ABCB7: variants seen among roughly 807,000 people sequenced by gnomAD.
ABCB7 encodes ATP binding cassette subfamily B member 7.
Under a neutral mutation model 54.4 loss-of-function variants are expected in ABCB7, and 7 were observed. That is an observed-to-expected ratio of 0.13 (90% CI 0.07 to 0.24). The LOEUF is 0.24. Among genes scored for constraint, ABCB7 ranks in the 10% least tolerant of loss-of-function variants. The pLI is 1.00. For missense variants in ABCB7, 356 were observed against 570.4 expected (o/e 0.62, Z 3.83); for synonymous variants, 218 against 207.1 (o/e 1.05, Z -0.45).
rs1482698611 is a variant in ABCB7 at position 75,114,928 on chromosome X, C to A, written c.169-97G>T. The A allele has an allele frequency of 5.5e-6, 4 of 729,104 alleles. No individual in the cohort carries two copies. In the South Asian group the frequency reaches 9.1e-5, roughly 17 times the overall value. 60.1% of individuals were successfully genotyped at this position (729,104 alleles called of 1,213,427 possible). On this transcript the variant is annotated intron_variant, in intron 1 of 15. Coordinates refer to ENST00000373394, the MANE Select transcript of ABCB7 (RefSeq NM_001271696.3). Reference sequence around the variant, plus strand: ...TTCATAAACATACAGAAAATTAAAACCATAGCCATATTGGAGAGATGATTA... The same window carrying A: ...TTCATAAACATACAGAAAATTAAAAACATAGCCATATTGGAGAGATGATTA...
chrX:75,073,615 C>T, intron 8 of ABCB7, 74 bp downstream of exon 8: 4 of 789,495 alleles, frequency 5.1e-6, no homozygotes, highest in Admixed American at 4.5e-5. Flanking sequence ...ATTTACAGTA[C>T]CTATTAAATT....
chrX:75,064,534 A>T (rs2147455162), intron 13 of ABCB7, among the ~76,000 whole-genome samples: 1 of 111,530 alleles, frequency 9.0e-6, no homozygotes, highest in South Asian at 3.8e-4. Flanking sequence ...TTTAACAAGA[A>T]ATGTATAAGC....
intron 2 of ABCB7, among the ~76,000 whole-genome samples, chrX:75,113,748 A>T (rs947522539): frequency 7.1e-5 from 8 of 112,096 alleles, no homozygotes; most frequent in African/African-American, 2.3e-4. Flanking sequence ...GCATAGCAAT[A>T]TCAGCTCTGG....
chrX:75,053,292 AT>A lies in ABCB7; in HGVS notation c.*77del. 5 of 1,140,316 alleles carry A rather than the reference AT, an allele frequency of 4.4e-6. No individual in the cohort carries two copies. The highest frequency in any genetic ancestry group is 3.6e-6 in the Non-Finnish European group (3 of 841,570). The allele number at this position is 1,140,316 out of a possible 1,213,427, so 94.0% of individuals were successfully genotyped here. Reference sequence around the variant, plus strand: ...GGATTATAGAAAATGGGAATGTATGATTTTTTTAATAAAACAATTCTGCTTC... The same window carrying A: ...GGATTATAGAAAATGGGAATGTATGATTTTTTAATAAAACAATTCTGCTTC... On this transcript the variant is annotated 3_prime_UTR_variant, in exon 16 of 16. Coordinates refer to ENST00000373394, the MANE Select transcript of ABCB7 (RefSeq NM_001271696.3).
intron 4 of ABCB7, among the ~76,000 whole-genome samples, chrX:75,085,994 G>A (rs984187987): frequency 9.2e-6 from 1 of 108,786 alleles, no homozygotes; most frequent in Non-Finnish European, 1.9e-5. Context: ...CTACAGGCAC[G>A]AACCACCACG....
rs377616036 is a variant in ABCB7 at position 75,112,877 on chromosome X, G to C, written c.333+9C>G. ...CAAGAATTTCCAGTTACTTGTTACTGGCTCTTACCCCTTCTTTTGGGTCTG... is the reference window on the plus strand; with the variant it reads ...CAAGAATTTCCAGTTACTTGTTACTCGCTCTTACCCCTTCTTTTGGGTCTG... On this transcript the variant is annotated intron_variant, in intron 3 of 15. Coordinates refer to ENST00000373394, the MANE Select transcript of ABCB7 (RefSeq NM_001271696.3). 8 of 1,193,456 alleles carry C rather than the reference G, an allele frequency of 6.7e-6. No homozygotes were observed. In the African/African-American group the frequency reaches 1.4e-4, roughly 21 times the overall value.
intron 11 of ABCB7, 45 bp from the exon 12 acceptor site, chrX:75,069,181 T>C: frequency 8.3e-7 from 1 of 1,203,614 alleles, no homozygotes; most frequent in Non-Finnish European, 1.1e-6. Context: ...CTATTAATGT[T>C]AGGAAACCCC....
At chrX:75,059,096 G>A (rs2081262609) in intron 15 of ABCB7, among the ~76,000 whole-genome samples, 1 of 111,249 alleles carries the variant, frequency 9.0e-6, no homozygotes, top group South Asian at 3.8e-4. Flanking sequence ...TATAAGAAAT[G>A]TTAGTGGAGT....
chrX:75,133,001 A>G (rs1393765761), intron 1 of ABCB7, among the ~76,000 whole-genome samples: 1 of 112,221 alleles, frequency 8.9e-6, no homozygotes, highest in Admixed American at 9.5e-5. Context: ...CTGAAATTAC[A>G]GACATAGAAT....
chrX:75,104,311 G>T (rs1375668360), intron 3 of ABCB7, among the ~76,000 whole-genome samples: 3 of 107,292 alleles, frequency 2.8e-5, no homozygotes, highest in Non-Finnish European at 5.8e-5. Context: ...GATTAACCAA[G>T]AACAAAATAT....
intron 4 of ABCB7, among the ~76,000 whole-genome samples, chrX:75,077,698 TA>T (rs1453091220): frequency 9.0e-6 from 1 of 111,473 alleles, no homozygotes; most frequent in Non-Finnish European, 1.9e-5. Context: ...ACAAGAGTCT[TA>T]CCAACCAAGC....
At chrX:75,060,374 G>A (rs747829914) in intron 14 of ABCB7, 44 bp from the exon 15 acceptor site, 4 of 949,767 alleles carry the variant, frequency 4.2e-6, no homozygotes, top group Non-Finnish European at 6.0e-6. Context: ...ATAAAAAGAA[G>A]TACACATTAG....
Position 75,065,123 on chromosome X carries a change from C to T in ABCB7, c.1778G>A (p.Arg593Gln). 2 of 1,210,779 alleles carry T rather than the reference C, an allele frequency of 1.7e-6. No homozygotes were observed. Among genetic ancestry groups the T allele is most frequent in the East Asian group, 3.0e-5 (1 of 33,802 alleles). ...KLAGLHDAIL[R>Q]MPHGYDTQVG... ...TTGGGTGTCATATCCATGTGGCATTCGAAGAATTGCATCATGAAGTCCAGC... is the reference window on the plus strand; with the variant it reads ...TTGGGTGTCATATCCATGTGGCATTTGAAGAATTGCATCATGAAGTCCAGC... Residue 593 changes from arginine (R) to glutamine (Q), a missense_variant, in exon 13 of 16, where the codon CGA (arginine) becomes CAA (glutamine). This residue lies in a region of ABCB7 where 241 missense variants were observed against 470.9 expected (regional missense o/e 0.51). Transcript: ENST00000373394.
rs147898380 is a variant in ABCB7, at chrX:75,099,034, T to C, written c.361A>G (p.Ile121Val). ...GLKDVDTRKI[I>V]KAMLSYVWPK... ...CACACATAAGAAAGCATTGCTTTTA[T>C]GATTTTCCGAGTATCAACATCTTTT... Residue 121 changes from isoleucine to valine, a missense_variant, in exon 4 of 16, where the codon ATA (isoleucine) becomes GTA (valine). Coordinates refer to ENST00000373394, the MANE Select transcript of ABCB7 (RefSeq NM_001271696.3). 226 of 1,209,172 alleles carry C rather than the reference T, an allele frequency of 1.9e-4. No homozygotes were observed. In the African/African-American group the frequency reaches 3.2e-3, roughly 17 times the overall value.
chrX:75,122,324 A>G (rs1301414767), intron 1 of ABCB7, among the ~76,000 whole-genome samples: 1 of 111,241 alleles, frequency 9.0e-6, no homozygotes, highest in Non-Finnish European at 1.9e-5. Context: ...CTATGGCAAC[A>G]TCGGGAAGTT....
At chrX:75,127,063 T>C (rs1219967285) in intron 1 of ABCB7, among the ~76,000 whole-genome samples, 2 of 111,509 alleles carry the variant, frequency 1.8e-5, no homozygotes, top group East Asian at 5.6e-4. Flanking sequence ...TCTTATGTGG[T>C]TGGCAATATC....
chrX:75,059,360 A>C (rs2081264704), intron 15 of ABCB7, among the ~76,000 whole-genome samples: 1 of 109,716 alleles, frequency 9.1e-6, no homozygotes, highest in Non-Finnish European at 1.9e-5. Context: ...AGTCCCAGCT[A>C]CTTGGGGGGC....
At chrX:75,130,825 A>G (rs923837039) in intron 1 of ABCB7, among the ~76,000 whole-genome samples, 2 of 112,060 alleles carry the variant, frequency 1.8e-5, no homozygotes, top group South Asian at 7.4e-4. Context: ...ATTAGGTATG[A>G]AAAGTAATAA....
chrX:75,112,173 T>G (rs1451897560), intron 3 of ABCB7, among the ~76,000 whole-genome samples: 1 of 111,755 alleles, frequency 8.9e-6, no homozygotes, highest in Non-Finnish European at 1.9e-5. Flanking sequence ...CTTTGCAATT[T>G]AAAGAGTACT....
Sources: allele counts gnomAD v4.1 joint callset (sites outside exome capture counted in the v4.1 genomes callset), GRCh38; gene constraint gnomAD v4.1.1; regional missense constraint gnomAD v4.1.1; transcripts MANE v1.5; gene names NCBI Gene and HGNC (gene_info 2026-07-23, HGNC 2026-07-21).